TRPC4: variants seen among roughly 807,000 people sequenced by gnomAD.
The protein encoded by TRPC4 is short transient receptor potential channel 4.
A neutral mutation model predicts 99.4 loss-of-function variants in TRPC4; 49 were observed. The ratio of observed to expected loss-of-function variants is 0.49; its 90% CI spans 0.39 to 0.63. The LOEUF (loss-of-function observed/expected upper bound fraction) is 0.63, where lower values mean the gene tolerates loss of function less well. TRPC4 is among the 20% of genes least tolerant of loss of function. The pLI, the probability that TRPC4 is intolerant of heterozygous loss-of-function variation, is 0.00. For synonymous variants in TRPC4, 454 were observed against 425.9 expected, an observed-to-expected ratio of 1.07 and a Z score of -0.81; for missense variants, 898 against 1,152.9, an observed-to-expected ratio of 0.78 and a Z score of 3.20.
intron 3 of TRPC4, among the ~76,000 whole-genome samples, chr13:37,710,617 A>G (rs1356700827): frequency 6.6e-6 from 1 of 151,946 alleles, no homozygotes; most frequent in Non-Finnish European, 1.5e-5. Context: ...AAAGTAACAC[A>G]TGACTGTTTC....
At chr13:37,738,061 A>G (rs1021008835) in intron 3 of TRPC4, among the ~76,000 whole-genome samples, 2 of 152,112 alleles carry the variant, frequency 1.3e-5, no homozygotes, top group Admixed American at 1.3e-4. Flanking sequence ...TCCATTCCCC[A>G]GGTCTACTCC....
intron 3 of TRPC4, among the ~76,000 whole-genome samples, chr13:37,728,258 A>G (rs564492881): frequency 6.6e-6 from 1 of 152,178 alleles, no homozygotes; most frequent in East Asian, 1.9e-4. Context: ...ATCTGTTTAC[A>G]TATGTTGTAG....
intron 3 of TRPC4, among the ~76,000 whole-genome samples, chr13:37,738,684 C>T (rs1955482095): frequency 6.6e-6 from 1 of 151,982 alleles, no homozygotes; most frequent in Admixed American, 6.6e-5. Flanking sequence ...AGGAATAGGG[C>T]CAACGTCAAG....
chr13:37,829,955 A>G (rs1315016317), intron 1 of TRPC4, among the ~76,000 whole-genome samples: 1 of 152,164 alleles, frequency 6.6e-6, no homozygotes, highest in East Asian at 1.9e-4. Flanking sequence ...GGGAAAAGAA[A>G]GTAGATCAGT....
chr13:37,788,284 A>G (rs1437781239), intron 1 of TRPC4, among the ~76,000 whole-genome samples: 1 of 151,950 alleles, frequency 6.6e-6, no homozygotes, highest in Non-Finnish European at 1.5e-5. Context: ...TCACAAATCT[A>G]CTTAATTCTC....
chr13:37,785,732 A>G (rs1339077144), intron 1 of TRPC4, among the ~76,000 whole-genome samples: 1 of 152,116 alleles, frequency 6.6e-6, no homozygotes, highest in Non-Finnish European at 1.5e-5. Context: ...TAATAATACT[A>G]TCAAATAAAG....
At chr13:37,720,378 G>A (rs1286940292) in intron 3 of TRPC4, among the ~76,000 whole-genome samples, 1 of 152,062 alleles carries the variant, frequency 6.6e-6, no homozygotes, top group Admixed American at 6.6e-5. Context: ...CCAGATACTT[G>A]CCATTCCTAG....
At chr13:37,655,876 A>T (rs1415046800) in intron 6 of TRPC4, among the ~76,000 whole-genome samples, 4 of 152,140 alleles carry the variant, frequency 2.6e-5, no homozygotes, top group African/African-American at 9.7e-5. Flanking sequence ...CTAATAAATG[A>T]TAGATCCCAA....
intron 1 of TRPC4, among the ~76,000 whole-genome samples, chr13:37,825,740 G>A (rs1010295986): frequency 1.3e-5 from 2 of 150,032 alleles, no homozygotes; most frequent in African/African-American, 4.9e-5. Flanking sequence ...TGAAAAAAAT[G>A]TATATTCTGT....
intron 6 of TRPC4, among the ~76,000 whole-genome samples, chr13:37,660,458 G>C (rs756199642): frequency 1.3e-5 from 2 of 152,078 alleles, no homozygotes; most frequent in Non-Finnish European, 2.9e-5. Flanking sequence ...TTGAGTGAGA[G>C]GTGAGAAAAT....
intron 3 of TRPC4, among the ~76,000 whole-genome samples, chr13:37,736,895 A>ATTT (rs34176145): frequency 0.063 from 8,102 of 127,686 alleles, 504 homozygotes; most frequent in Non-Finnish European, 0.1. Context: ...TGCCTGGCTA[A>ATTT]TTTTTTTTTT....
intron 2 of TRPC4, among the ~76,000 whole-genome samples, chr13:37,750,754 C>T (rs996764149): frequency 2.0e-5 from 3 of 151,958 alleles, no homozygotes; most frequent in Admixed American, 1.3e-4. Flanking sequence ...ACCCATCAAC[C>T]CGTCATCTAC....
rs534811214 is a variant in TRPC4, at chr13:37,846,657, C to A, written c.-28+22938G>T. Reference sequence around the variant, plus strand: ...ACAGAAAGAGAGGAAGAAAAAAAAACATATAAAATAATCAAAAAACAAATT... The same window carrying A: ...ACAGAAAGAGAGGAAGAAAAAAAAAAATATAAAATAATCAAAAAACAAATT... On this transcript the variant is annotated intron_variant, in intron 1 of 10. Coordinates refer to ENST00000379705, the MANE Select transcript of TRPC4 (RefSeq NM_016179.4). Among the ~76,000 whole-genome samples, 81 of 138,966 alleles carry A rather than the reference C, an allele frequency of 5.8e-4. 1 individual carries two copies. Among genetic ancestry groups the A allele is most frequent in the Admixed American group, 2.5e-3 (35 of 14,004 alleles). 91.2% of individuals were successfully genotyped at this position (138,966 alleles called of 152,430 possible).
chr13:37,768,445 C>T (rs894159784), intron 2 of TRPC4, among the ~76,000 whole-genome samples: 57 of 151,508 alleles, frequency 3.8e-4, no homozygotes, highest in African/African-American at 1.2e-3. Context: ...GGAATGATGG[C>T]TTTCCTTTTT....
intron 1 of TRPC4, among the ~76,000 whole-genome samples, chr13:37,841,292 G>A (rs1958723797): frequency 6.6e-6 from 1 of 151,902 alleles, no homozygotes. Flanking sequence ...CTCACTATAA[G>A]CAATTAATGA....
intron 1 of TRPC4, among the ~76,000 whole-genome samples, chr13:37,789,852 CTT>C (rs1406373815): frequency 6.6e-6 from 1 of 151,978 alleles, no homozygotes; most frequent in Admixed American, 6.6e-5. Flanking sequence ...TGGCACAAGA[CTT>C]TAGTAATTTG....
intron 1 of TRPC4, among the ~76,000 whole-genome samples, chr13:37,834,478 A>G (rs934618163): frequency 4.6e-5 from 7 of 152,244 alleles, no homozygotes; most frequent in African/African-American, 1.7e-4. Context: ...AAGCTATTTC[A>G]AAATTATTTT....
At chr13:37,862,443 T>TA (rs1323807580) in intron 1 of TRPC4, among the ~76,000 whole-genome samples, 6 of 151,568 alleles carry the variant, frequency 4.0e-5, no homozygotes, top group East Asian at 1.9e-4. Context: ...GGATTTACAG[T>TA]AAAAAAACTT....
intron 3 of TRPC4, among the ~76,000 whole-genome samples, chr13:37,710,427 GTTTA>G (rs927293175): frequency 2.6e-5 from 4 of 151,764 alleles, no homozygotes; most frequent in African/African-American, 9.7e-5. Flanking sequence ...AAAAAGAGTT[GTTTA>G]TTTAAATTTT....
Sources: gnomAD v4.1 joint callset for allele counts (sites outside exome capture counted in the v4.1 genomes callset) on GRCh38, gnomAD v4.1.1 for gene constraint, MANE v1.5 for transcripts, NCBI Gene and HGNC (gene_info 2026-07-23, HGNC 2026-07-21) for gene names.